Variants in SPOCK3 observed in about 807,000 individuals in gnomAD.
SPOCK3 encodes the protein SPARC (osteonectin), cwcv and kazal like domains proteoglycan 3.
In SPOCK3, 30 loss-of-function variants were observed where a neutral mutation model predicts 56.6. The observed-to-expected ratio is 0.53, with a 90% CI of 0.40 to 0.72. SPOCK3 has a LOEUF of 0.72. Among genes scored for constraint, SPOCK3 ranks in the 30% least tolerant of loss-of-function variants. The pLI is 0.00. For missense variants in SPOCK3, 527 were observed against 530.0 expected (o/e 0.99, Z 0.06); for synonymous variants, 196 against 183.3 (o/e 1.07, Z -0.56).
intron 4 of SPOCK3, among the ~76,000 whole-genome samples, chr4:166,977,942 C>T (rs527991666): frequency 4.6e-5 from 7 of 152,286 alleles, no homozygotes; most frequent in Admixed American, 1.3e-4. Flanking sequence ...GTAACACAAG[C>T]TTCTGACCCA....
At chr4:167,082,022 C>T (rs551693128) in intron 2 of SPOCK3, among the ~76,000 whole-genome samples, 1 of 152,016 alleles carries the variant, frequency 6.6e-6, no homozygotes, top group South Asian at 2.1e-4. Flanking sequence ...ATATCCAATA[C>T]TTAGGGTACC....
intron 2 of SPOCK3, among the ~76,000 whole-genome samples, chr4:167,106,346 C>A (rs929944268): frequency 1.3e-5 from 2 of 151,804 alleles, no homozygotes; most frequent in African/African-American, 4.8e-5. Flanking sequence ...GGACACTATG[C>A]AAACACATGG....
At chr4:167,023,645 T>A (rs1689927309) in intron 3 of SPOCK3, among the ~76,000 whole-genome samples, 1 of 151,978 alleles carries the variant, frequency 6.6e-6, no homozygotes, top group African/African-American at 2.4e-5. Context: ...TTTCTCTGCT[T>A]CTGTACTTAA....
At chr4:167,052,275 T>C (rs1490753394) in intron 3 of SPOCK3, among the ~76,000 whole-genome samples, 2 of 152,212 alleles carry the variant, frequency 1.3e-5, no homozygotes, top group African/African-American at 4.8e-5. Context: ...TCTTAGGTAA[T>C]AAATCTGACA....
intron 2 of SPOCK3, among the ~76,000 whole-genome samples, chr4:167,232,114 T>A (rs1737237502): frequency 6.6e-6 from 1 of 152,070 alleles, no homozygotes; most frequent in South Asian, 2.1e-4. Context: ...TTCTAGCATA[T>A]TTAGCTCTAT....
intron 6 of SPOCK3, among the ~76,000 whole-genome samples, chr4:166,860,997 A>G (rs140945128): frequency 6.6e-6 from 1 of 151,746 alleles, no homozygotes; most frequent in African/African-American, 2.4e-5. Flanking sequence ...AAGAGCCTTA[A>G]CTGTCAATTA....
intron 4 of SPOCK3, among the ~76,000 whole-genome samples, chr4:166,925,144 TAAGC>T (rs530969731): frequency 1.6e-4 from 24 of 152,284 alleles, no homozygotes; most frequent in African/African-American, 5.1e-4. Flanking sequence ...AGGCAATACA[TAAGC>T]AAGTAGCCAT....
chr4:167,064,831 G>A (rs1042195782), intron 2 of SPOCK3, among the ~76,000 whole-genome samples: 2 of 151,586 alleles, frequency 1.3e-5, no homozygotes, highest in African/African-American at 4.8e-5. Flanking sequence ...GTTATCAAAT[G>A]TGTAAAATGC....
At chr4:167,055,923 C>T (rs1244597275) in intron 3 of SPOCK3, among the ~76,000 whole-genome samples, 1 of 152,124 alleles carries the variant, frequency 6.6e-6, no homozygotes, top group East Asian at 1.9e-4. Flanking sequence ...CTTAAATGTC[C>T]CTGTCTGACA....
At chr4:166,824,245 A>T (rs976933664) in intron 6 of SPOCK3, among the ~76,000 whole-genome samples, 1 of 152,060 alleles carries the variant, frequency 6.6e-6, no homozygotes, top group Non-Finnish European at 1.5e-5. Flanking sequence ...TTTTTCCTTG[A>T]TCAGCCTCAA....
chr4:167,102,635 T>G (rs924486366), intron 2 of SPOCK3: 1 of 152,148 alleles, frequency 6.6e-6, no homozygotes, highest in East Asian at 1.9e-4. Flanking sequence ...TACTGCTCTG[T>G]CATGGTGAAA....
At chr4:166,934,463 G>A (rs777178678) in intron 4 of SPOCK3, among the ~76,000 whole-genome samples, 20 of 151,858 alleles carry the variant, frequency 1.3e-4, no homozygotes, top group Non-Finnish European at 2.4e-4. Flanking sequence ...GCGCCACTGC[G>A]CTTCAGCCTG....
chr4:166,975,068 C>G (rs1399997942), intron 4 of SPOCK3, among the ~76,000 whole-genome samples: 2 of 152,154 alleles, frequency 1.3e-5, no homozygotes, highest in Admixed American at 6.5e-5. Flanking sequence ...CACCCTTTCC[C>G]TCTTGTCCTG....
At chr4:166,852,102 A>T (rs1410531845) in intron 6 of SPOCK3, among the ~76,000 whole-genome samples, 3 of 151,028 alleles carry the variant, frequency 2.0e-5, no homozygotes, top group Non-Finnish European at 4.4e-5. Flanking sequence ...AACAATGAGA[A>T]CACATGGACA....
Position 167,069,199 on chromosome 4 carries a change from T to A in SPOCK3, c.190-6662A>T, listed in dbSNP as rs559481399. On this transcript the variant is annotated intron_variant, in intron 2 of 10. Coordinates refer to ENST00000357545, the MANE Select transcript of SPOCK3 (RefSeq NM_001040159.2). ...TTTATGACTTGCGTGACTAATAATA[T>A]GTGGCAGAATGGCTTTCAGGACATT... Among the ~76,000 whole-genome samples the A allele has an allele frequency of 9.1e-4, 139 of 152,010 alleles. 1 individual carries two copies. The highest frequency in any genetic ancestry group is 3.4e-3 in the Middle Eastern group (1 of 294).
intron 2 of SPOCK3, among the ~76,000 whole-genome samples, chr4:167,233,082 G>T (rs750053952): frequency 1.3e-5 from 2 of 152,142 alleles, no homozygotes; most frequent in Non-Finnish European, 2.9e-5. Context: ...GGCTAGGGGC[G>T]GTATTCAGCC....
At chr4:166,902,548 T>C (rs74287167) in intron 5 of SPOCK3, among the ~76,000 whole-genome samples, 4,406 of 152,020 alleles carry the variant, frequency 0.029, 185 homozygotes, top group African/African-American at 0.09. Flanking sequence ...CTTTTTGGGT[T>C]ATTTTTCAGA....
chr4:166,981,210 CG>C (rs925643086), intron 4 of SPOCK3, among the ~76,000 whole-genome samples: 33 of 151,600 alleles, frequency 2.2e-4, no homozygotes, highest in African/African-American at 7.5e-4. Context: ...GTCCAGGTCT[CG>C]TTAGAGAGAA....
chr4:167,032,266 G>T (rs367709420), intron 3 of SPOCK3, among the ~76,000 whole-genome samples: 1 of 151,920 alleles, frequency 6.6e-6, no homozygotes, highest in African/African-American at 2.4e-5. Context: ...GTATAAAGAT[G>T]CTCAGTTAAT....
Sources: allele counts gnomAD v4.1 joint callset (sites outside exome capture counted in the v4.1 genomes callset), GRCh38; gene constraint gnomAD v4.1.1; transcripts MANE v1.5; gene names NCBI Gene and HGNC (gene_info 2026-07-23, HGNC 2026-07-21).